HDAC4: variants seen among roughly 807,000 people sequenced by gnomAD.
HDAC4 encodes histone deacetylase 4.
A neutral mutation model predicts 135.1 loss-of-function variants in HDAC4; 16 were observed. That is an observed-to-expected ratio of 0.12 (90% CI 0.08 to 0.18). The LOEUF is 0.18. Ranked by LOEUF, HDAC4 falls within the 10% of genes least tolerant of loss-of-function variation. HDAC4 has a pLI of 1.00. For synonymous variants in HDAC4, 685 were observed against 653.4 expected (o/e 1.05, Z -0.74); for missense variants, 1,143 against 1,511.8 (o/e 0.76, Z 4.05).
intron 3 of HDAC4, among the ~76,000 whole-genome samples, chr2:239,212,129 G>T (rs2046380563): frequency 6.6e-6 from 1 of 152,206 alleles, no homozygotes; most frequent in African/African-American, 2.4e-5. Context: ...TAAGCCCAAT[G>T]ATAAGCATTT....
At chr2:239,350,043 A>G (rs1329998413) in intron 2 of HDAC4, among the ~76,000 whole-genome samples, 1 of 152,226 alleles carries the variant, frequency 6.6e-6, no homozygotes, top group Non-Finnish European at 1.5e-5. Context: ...GAAAAGGCCA[A>G]ACAAACCCAG....
In HDAC4 at chr2:239,400,387, G is replaced by A. The variant is rs1379990615; in HGVS notation, c.-220+591C>T. 2 of 147,414 alleles carry A rather than the reference G, an allele frequency of 1.4e-5. No homozygotes were observed. The highest frequency in any genetic ancestry group is 2.4e-5 in the African/African-American group (1 of 40,936). 9.1% of individuals were successfully genotyped at this position (147,414 alleles called of 1,614,324 possible). A position where few individuals can be genotyped will look rare whatever the true frequency, so the allele number is the denominator to read the frequency against. On this transcript the variant is annotated intron_variant, in intron 1 of 26. Transcript: ENST00000543185. This position sits in a 1 kb window ranked among gnomAD's most constrained non-coding sequence, Gnocchi z 4.7. ...CGGCCCGGAGCCCACCTGCTCGGGGGGCGCGGGCCCCGCACCGGGAGACGG... is the reference window on the plus strand; with the variant it reads ...CGGCCCGGAGCCCACCTGCTCGGGGAGCGCGGGCCCCGCACCGGGAGACGG...
chr2:239,269,872 T>G (rs1267237749), intron 2 of HDAC4, among the ~76,000 whole-genome samples: 1 of 152,256 alleles, frequency 6.6e-6, no homozygotes, highest in East Asian at 1.9e-4. Flanking sequence ...TGGGTTTGGT[T>G]CTTACGACCC....
chr2:239,310,207 T>A (rs1419873069), intron 2 of HDAC4, among the ~76,000 whole-genome samples: 1 of 152,186 alleles, frequency 6.6e-6, no homozygotes, highest in Non-Finnish European at 1.5e-5. Flanking sequence ...TCTTATTATA[T>A]ACAGAATTGC....
chr2:239,259,199 A>T (rs1331099666), intron 2 of HDAC4, among the ~76,000 whole-genome samples: 2 of 152,242 alleles, frequency 1.3e-5, no homozygotes, highest in African/African-American at 2.4e-5. Context: ...TGTAATCCCC[A>T]ACACTTTGGG....
At chr2:239,289,435 A>G (rs1268647030) in intron 2 of HDAC4, among the ~76,000 whole-genome samples, 2 of 152,222 alleles carry the variant, frequency 1.3e-5, no homozygotes, top group Non-Finnish European at 2.9e-5. Context: ...ATGTTACAAT[A>G]TGTGTGTGTG....
chr2:239,061,801 C>T (rs373427880), intron 24 of HDAC4, among the ~76,000 whole-genome samples: 20 of 152,380 alleles, frequency 1.3e-4, no homozygotes, highest in African/African-American at 2.4e-4. Context: ...CTTTTCCACA[C>T]GACACCACCC....
chr2:239,135,705 C>T lies in HDAC4; in HGVS notation c.979-1062G>A, dbSNP rs76793301. Among the ~76,000 whole-genome samples the T allele has an allele frequency of 6.6e-3, 1,008 of 152,294 alleles. 11 individuals carry two copies. The highest frequency in any genetic ancestry group is 8.3e-3 in the Admixed American group (127 of 15,294). On this transcript the variant is annotated intron_variant, in intron 9 of 26. Transcript: ENST00000543185. ...GATGGCCTGATGCCCATGAAGCCTC[C>T]GCTGCAGGGCCGAGCACCCAGCAGG...
At chr2:239,338,700 A>C (rs1692102933) in intron 2 of HDAC4, among the ~76,000 whole-genome samples, 2 of 152,226 alleles carry the variant, frequency 1.3e-5, no homozygotes. Flanking sequence ...TTTTAGGTAC[A>C]AAGTTCAGAC....
At chr2:239,130,460 A>C (rs915555537) in intron 11 of HDAC4, among the ~76,000 whole-genome samples, 2 of 152,054 alleles carry the variant, frequency 1.3e-5, no homozygotes, top group Non-Finnish European at 2.9e-5. Context: ...ACGTAGCCTT[A>C]AGACGCTGGT....
intron 3 of HDAC4, among the ~76,000 whole-genome samples, chr2:239,213,377 C>T (rs1368896466): frequency 6.6e-6 from 1 of 152,194 alleles, no homozygotes; most frequent in Admixed American, 6.5e-5. Flanking sequence ...CTCAGCGGTG[C>T]CCGCGCCCCT....
chr2:239,098,052 C>T (rs2037276395), intron 16 of HDAC4, among the ~76,000 whole-genome samples: 1 of 152,248 alleles, frequency 6.6e-6, no homozygotes, highest in Non-Finnish European at 1.5e-5. Flanking sequence ...AAATCATAGC[C>T]AACCATGTCT....
At position 239,053,088 on chromosome 2, in the gene HDAC4, G is replaced by A. The variant is rs765249256; in HGVS notation, c.*9C>T. Reference sequence around the variant, plus strand: ...AGACAGACAAGAGAACAGCAGCTTCGAGGGAGTGCTACAGGGGCGGCTCCT... The same window carrying A: ...AGACAGACAAGAGAACAGCAGCTTCAAGGGAGTGCTACAGGGGCGGCTCCT... On this transcript the variant is annotated 3_prime_UTR_variant, in exon 27 of 27. Coordinates refer to ENST00000543185, the MANE Select transcript of HDAC4 (RefSeq NM_001378414.1). 6 of 1,614,050 alleles carry A rather than the reference G, an allele frequency of 3.7e-6. No individual in the cohort carries two copies. Among genetic ancestry groups the A allele is most frequent in the Admixed American group, 3.3e-5 (2 of 60,010 alleles).
At chr2:239,276,116 T>C (rs2050345500) in intron 2 of HDAC4, among the ~76,000 whole-genome samples, 1 of 152,100 alleles carries the variant, frequency 6.6e-6, no homozygotes, top group South Asian at 2.1e-4. Context: ...CGCAGGGACC[T>C]GACTCACGGC....
intron 2 of HDAC4, 57 bp from the exon 3 acceptor site, chr2:239,236,721 T>A: frequency 3.0e-6 from 4 of 1,315,396 alleles, no homozygotes; most frequent in Non-Finnish European, 4.3e-6. Flanking sequence ...GCCAACATAC[T>A]TTATGCTGGG....
At chr2:239,197,872 T>TGTGTGTGTGTGC (rs1553553350) in intron 3 of HDAC4, among the ~76,000 whole-genome samples, 4 of 151,280 alleles carry the variant, frequency 2.6e-5, no homozygotes, top group Non-Finnish European at 5.9e-5. Flanking sequence ...TGTGTGTGTG[T>TGTGTGTGTGTGC]GTGTGTGTGT....
intron 1 of HDAC4, among the ~76,000 whole-genome samples, chr2:239,387,570 T>G (rs1695906537): frequency 6.6e-6 from 1 of 152,192 alleles, no homozygotes; most frequent in African/African-American, 2.4e-5. Context: ...CAGCCTGTCT[T>G]CAGGCAGCAT....
At position 239,086,637 on chromosome 2, in the gene HDAC4, CA is replaced by C. The variant is rs1179648519; in HGVS notation, c.2444+921del. 2.0e-5 allele frequency among the ~76,000 whole-genome samples: 3 copies of C among 152,250 alleles called. No homozygotes were observed. In the East Asian group the frequency reaches 5.8e-4, roughly 29 times the overall value. ...GCCCCTCCGTGGACGCCTGACTTCC[CA>C]GGGGTGACAGGGAGGCCCTTTCCCG... On this transcript the variant is annotated intron_variant, in intron 19 of 26. Transcript: ENST00000543185.
intron 15 of HDAC4, among the ~76,000 whole-genome samples, chr2:239,105,650 C>T (rs769404902): frequency 1.3e-5 from 2 of 152,198 alleles, no homozygotes; most frequent in Non-Finnish European, 2.9e-5. Context: ...TCCAGGCAGT[C>T]GTCTACCCAG....
Sources: allele counts gnomAD v4.1 joint callset (sites outside exome capture counted in the v4.1 genomes callset), GRCh38; gene constraint gnomAD v4.1.1; non-coding constraint Gnocchi (gnomAD v3.1); transcripts MANE v1.5; gene names NCBI Gene and HGNC (gene_info 2026-07-23, HGNC 2026-07-21).